SMCP: variants seen among roughly 807,000 people sequenced by gnomAD.
The protein encoded by SMCP is sperm mitochondrial-associated cysteine-rich protein.
For missense variants in SMCP, 137 were observed against 137.1 expected (o/e 1.00, Z 0.01); for synonymous variants, 41 against 46.9 (o/e 0.87, Z 0.51).
rs763981718 is a variant in SMCP, at chr1:152,884,835, G to T, written c.*62G>T. 6.9e-5 allele frequency: 100 copies of T among 1,440,770 alleles called. No individual in the cohort carries two copies. The highest frequency in any genetic ancestry group is 7.9e-5 in the Non-Finnish European group (82 of 1,042,092). 89.2% of individuals were successfully genotyped at this position (1,440,770 alleles called of 1,614,324 possible). On this transcript the variant is annotated 3_prime_UTR_variant, in exon 2 of 2. Coordinates refer to ENST00000368765, the MANE Select transcript of SMCP (RefSeq NM_030663.3). ...GCCATGCCTTTCACTTTGTAGGGTG[G>T]GGGATTACTGAGAGTCAGGCTAGAC...
At chr1:152,882,122 C>T (rs1041073956) in intron 1 of SMCP, among the ~76,000 whole-genome samples, 1 of 152,140 alleles carries the variant, frequency 6.6e-6, no homozygotes, top group Non-Finnish European at 1.5e-5. Flanking sequence ...ATTACAGGCA[C>T]CTGCCACCAT....
chr1:152,879,728 T>C (rs984689885), intron 1 of SMCP, among the ~76,000 whole-genome samples: 2 of 152,202 alleles, frequency 1.3e-5, no homozygotes, highest in Non-Finnish European at 2.9e-5. Flanking sequence ...TTGCCCTCCC[T>C]ATGCTACAGT....
intron 1 of SMCP, among the ~76,000 whole-genome samples, chr1:152,878,983 G>A (rs916214635): frequency 6.6e-6 from 1 of 152,216 alleles, no homozygotes; most frequent in African/African-American, 2.4e-5. Flanking sequence ...AACAGTGTTT[G>A]GACATGAGGC....
At position 152,882,169 on chromosome 1, in the gene SMCP, C is replaced by A. The variant is rs532321848; in HGVS notation, c.-20-2234C>A. ...TATTTTTTGTAGAGACAGGGTTTCA[C>A]CATGTTGGCCAGGCTGGTTCTGAAC... On this transcript the variant is annotated intron_variant, in intron 1 of 1. Coordinates refer to ENST00000368765, the MANE Select transcript of SMCP (RefSeq NM_030663.3). Among the ~76,000 whole-genome samples, 4 of 152,090 alleles carry A rather than the reference C, an allele frequency of 2.6e-5. 1 individual carries two copies. Among genetic ancestry groups the A allele is most frequent in the Non-Finnish European group, 5.9e-5 (4 of 68,028 alleles).
At chr1:152,881,416 C>A (rs920994538) in intron 1 of SMCP, among the ~76,000 whole-genome samples, 2 of 152,016 alleles carry the variant, frequency 1.3e-5, no homozygotes, top group Admixed American at 6.5e-5. Flanking sequence ...CGGCCGGGCG[C>A]GGTGGCTCAC....
At chr1:152,882,162 G>T (rs968442923) in intron 1 of SMCP, among the ~76,000 whole-genome samples, 1 of 152,010 alleles carries the variant, frequency 6.6e-6, no homozygotes, top group African/African-American at 2.4e-5. Flanking sequence ...GTAGAGACAG[G>T]GTTTCACCAT....
intron 1 of SMCP, 112 bp from the exon 2 acceptor site, chr1:152,884,291 C>G (rs1649137832): frequency 1.0e-6 from 1 of 964,504 alleles, no homozygotes; most frequent in Non-Finnish European, 1.5e-6. Context: ...CTTTCTCAAC[C>G]CTGGTCTGAG....
intron 1 of SMCP, among the ~76,000 whole-genome samples, chr1:152,883,249 A>G (rs554981740): frequency 3.3e-5 from 5 of 152,280 alleles, no homozygotes; most frequent in South Asian, 2.1e-4. Flanking sequence ...TTGTGAGCTG[A>G]GTCCACAGAG....
At chr1:152,879,738 T>C (rs2101621711) in intron 1 of SMCP, among the ~76,000 whole-genome samples, 1 of 152,244 alleles carries the variant, frequency 6.6e-6, no homozygotes, top group Non-Finnish European at 1.5e-5. Context: ...TATGCTACAG[T>C]CAACAAGACT....
chr1:152,883,170 C>T (rs1198571718), intron 1 of SMCP, among the ~76,000 whole-genome samples: 9 of 152,226 alleles, frequency 5.9e-5, no homozygotes, highest in African/African-American at 1.9e-4. Flanking sequence ...CCAAATCCCA[C>T]ACCCATCCTA....
chr1:152,884,907 A>C lies in SMCP; in HGVS notation c.*134A>C. 1 of 750,188 alleles carries C rather than the reference A, an allele frequency of 1.3e-6. No individual in the cohort carries two copies. Among genetic ancestry groups the C allele is most frequent in the Non-Finnish European group, 2.2e-6 (1 of 458,750 alleles). 46.5% of individuals were successfully genotyped at this position (750,188 alleles called of 1,614,324 possible). A position where few individuals can be genotyped will look rare whatever the true frequency, so the allele number is the denominator to read the frequency against. ...TCACAGTGACTACCATTTCCACCCA[A>C]TGAGAGGCTCCTATTTCCCATCATA... On this transcript the variant is annotated 3_prime_UTR_variant, in exon 2 of 2. Transcript: ENST00000368765.
chr1:152,884,714 G>C lies in SMCP; in HGVS notation c.292G>C (p.Gly98Arg), dbSNP rs757821029. 6.2e-7 allele frequency: 1 copy of C among 1,614,178 alleles called. No individual in the cohort carries two copies. Among genetic ancestry groups the C allele is most frequent in the Non-Finnish European group, 8.5e-7 (1 of 1,180,038 alleles). The change falls in exon 2 of 2, where the codon GGC becomes CGC. Residue 98 changes from glycine to arginine, a missense_variant. Physicochemically the swap from Gly to Arg is moderately radical, Grantham distance 125 (BLOSUM62 -2). Coordinates refer to ENST00000368765, the MANE Select transcript of SMCP (RefSeq NM_030663.3). ...EPNSPQTQDK[G>R]CQTQQQPHSP... Reference sequence around the variant, plus strand: ...CAACTCACCGCAAACTCAGGACAAGGGCTGTCAAACCCAGCAGCAGCCCCA... The same window carrying C: ...CAACTCACCGCAAACTCAGGACAAGCGCTGTCAAACCCAGCAGCAGCCCCA...
chr1:152,884,545 G>C lies in SMCP; in HGVS notation c.123G>C (p.Gln41His), dbSNP rs766919718. 1 of 1,613,734 alleles carries C rather than the reference G, an allele frequency of 6.2e-7. No individual in the cohort carries two copies. Among genetic ancestry groups the C allele is most frequent in the African/African-American group, 1.3e-5 (1 of 74,788 alleles). Residue 41 changes from glutamine to histidine, a missense_variant, in exon 2 of 2, where the codon CAG (glutamine) becomes CAC (histidine). Gln to His is a conservative substitution (Grantham distance 24, BLOSUM62 0). Transcript: ENST00000368765. Reference sequence around the variant, plus strand: ...AATGCTGCCCACCAAAACAGAACCAGTGCTGCCAGCCAAAAGGCAGTCAAT... The same window carrying C: ...AATGCTGCCCACCAAAACAGAACCACTGCTGCCAGCCAAAAGGCAGTCAAT... ...GNQCCPPKQNQCCQPKGSQCC... is the reference protein window; with the variant it reads ...GNQCCPPKQNHCCQPKGSQCC...
rs12118648 is a variant in SMCP, at chr1:152,879,798, G to T, written c.-21+1352G>T. ...TGATATTGCACAACCTCCACATTCA[G>T]GACCTATTCCCAGGATCTCACTATG... On this transcript the variant is annotated intron_variant, in intron 1 of 1. Coordinates refer to ENST00000368765, the MANE Select transcript of SMCP (RefSeq NM_030663.3). Among the ~76,000 whole-genome samples the T allele has an allele frequency of 4.1e-3, 618 of 152,270 alleles. 4 individuals are homozygous for T. The highest frequency in any genetic ancestry group is 4.8e-3 in the Non-Finnish European group (324 of 68,024).
In SMCP at chr1:152,884,825, T is replaced by C; in HGVS notation, c.*52T>C. 2.0e-6 allele frequency: 3 copies of C among 1,509,826 alleles called. No individual in the cohort carries two copies. The highest frequency in any genetic ancestry group is 2.3e-5 in the East Asian group (1 of 44,210). The allele number at this position is 1,509,826 out of a possible 1,614,324, so 93.5% of individuals were successfully genotyped here. On this transcript the variant is annotated 3_prime_UTR_variant, in exon 2 of 2. Coordinates refer to ENST00000368765, the MANE Select transcript of SMCP (RefSeq NM_030663.3). ...AGTCCCTGGGGCCATGCCTTTCACT[T>C]TGTAGGGTGGGGGATTACTGAGAGT...
chr1:152,882,928 C>T (rs886869987), intron 1 of SMCP, among the ~76,000 whole-genome samples: 6 of 152,194 alleles, frequency 3.9e-5, no homozygotes, highest in African/African-American at 1.4e-4. Context: ...TCTGTAATCT[C>T]AGGTACTCCG....
chr1:152,881,024 A>G (rs1306792723), intron 1 of SMCP, among the ~76,000 whole-genome samples: 1 of 732 alleles, frequency 1.4e-3, no homozygotes, highest in African/African-American at 5.3e-3. Context: ...CCAATGGTTC[A>G]GAAAGTGAAA....
chr1:152,883,002 C>T (rs911866471), intron 1 of SMCP, among the ~76,000 whole-genome samples: 1 of 152,224 alleles, frequency 6.6e-6, no homozygotes, highest in African/African-American at 2.4e-5. Context: ...TGAGATCGCA[C>T]CATTGCACTC....
Position 152,884,860 on chromosome 1 carries a change from C to T in SMCP, c.*87C>T, listed in dbSNP as rs751320394. On this transcript the variant is annotated 3_prime_UTR_variant, in exon 2 of 2. Coordinates refer to ENST00000368765, the MANE Select transcript of SMCP (RefSeq NM_030663.3). ...GGGGATTACTGAGAGTCAGGCTAGA[C>T]CTGTGTTTAGAGAAGCAGTTTTCAC... The T allele has an allele frequency of 2.2e-5, 27 of 1,234,744 alleles. No homozygotes were observed. Among genetic ancestry groups the T allele is most frequent in the Non-Finnish European group, 3.0e-5 (26 of 879,942 alleles). The allele number at this position is 1,234,744 out of a possible 1,614,324, so 76.5% of individuals were successfully genotyped here.
Sources: allele counts gnomAD v4.1 joint callset (sites outside exome capture counted in the v4.1 genomes callset), GRCh38; gene constraint gnomAD v4.1.1; transcripts MANE v1.5; gene names NCBI Gene and HGNC (gene_info 2026-07-23, HGNC 2026-07-21).